The following STXBP5L variants were observed in gnomAD, a reference collection of about 807,000 sequenced individuals.
The protein encoded by STXBP5L is syntaxin binding protein 5L.
In STXBP5L, 65 loss-of-function variants were observed where a neutral mutation model predicts 144.5. The observed-to-expected ratio is 0.45, with a 90% CI of 0.37 to 0.55. The LOEUF (loss-of-function observed/expected upper bound fraction) is 0.55, where lower values mean the gene tolerates loss of function less well. Among genes scored for constraint, STXBP5L ranks in the 20% least tolerant of loss-of-function variants. The pLI is 0.00. For missense variants in STXBP5L, 1,298 were observed against 1,405.5 expected, an observed-to-expected ratio of 0.92 and a Z score of 1.22; for synonymous variants, 505 against 469.6, an observed-to-expected ratio of 1.08 and a Z score of -0.97.
At chr3:121,176,985 C>A (rs1165023969) in intron 9 of STXBP5L, among the ~76,000 whole-genome samples, 1 of 151,784 alleles carries the variant, frequency 6.6e-6, no homozygotes, top group Non-Finnish European at 1.5e-5. Flanking sequence ...TTTGAAAGAC[C>A]TACTTTGTGT....
chr3:121,218,097 A>G (rs2048847358), intron 10 of STXBP5L, among the ~76,000 whole-genome samples: 1 of 141,892 alleles, frequency 7.0e-6, no homozygotes, highest in East Asian at 2.0e-4. Flanking sequence ...TATATAGTAT[A>G]ATATATAATA....
At chr3:121,059,112 C>G in intron 5 of STXBP5L, among the ~76,000 whole-genome samples, 1 of 152,210 alleles carries the variant, frequency 6.6e-6, no homozygotes, top group African/African-American at 2.4e-5. Context: ...TTAGGTCTTA[C>G]GTTTAAGTCT....
intron 20 of STXBP5L, among the ~76,000 whole-genome samples, chr3:121,327,389 A>G (rs567741573): frequency 6.6e-6 from 1 of 152,282 alleles, no homozygotes; most frequent in African/African-American, 2.4e-5. Context: ...CTAGGAGTAG[A>G]GATAAATACT....
At chr3:121,090,459 T>C (rs1207224725) in intron 5 of STXBP5L, among the ~76,000 whole-genome samples, 4 of 152,184 alleles carry the variant, frequency 2.6e-5, no homozygotes, top group Non-Finnish European at 4.4e-5. Flanking sequence ...GAAATTGAAA[T>C]ATTTTATCCA....
At chr3:121,162,786 G>A (rs1302720367) in intron 9 of STXBP5L, among the ~76,000 whole-genome samples, 1 of 152,160 alleles carries the variant, frequency 6.6e-6, no homozygotes, top group Non-Finnish European at 1.5e-5. Flanking sequence ...CTTCTCAAAA[G>A]AAGACATTCA....
intron 2 of STXBP5L, among the ~76,000 whole-genome samples, chr3:120,931,754 C>CCACAGTCTGCA (rs1465424461): frequency 6.6e-6 from 1 of 152,168 alleles, no homozygotes; most frequent in Non-Finnish European, 1.5e-5. Context: ...CCTGCAGCAA[C>CCACAGTCTGCA]CAGTCTGGGA....
chr3:120,991,772 G>C (rs941426692), intron 3 of STXBP5L, among the ~76,000 whole-genome samples: 1 of 151,580 alleles, frequency 6.6e-6, no homozygotes, highest in South Asian at 2.1e-4. Context: ...GAGAACACAT[G>C]GACACAGGGT....
chr3:121,140,566 A>T (rs986607403), intron 7 of STXBP5L, among the ~76,000 whole-genome samples: 5 of 152,192 alleles, frequency 3.3e-5, no homozygotes, highest in Non-Finnish European at 5.9e-5. Flanking sequence ...ATATAAAATG[A>T]TGAAATCTTC....
chr3:120,992,514 T>C lies in STXBP5L; in HGVS notation c.287+37477T>C, dbSNP rs185040172. The stretch of plus-strand genomic sequence containing the variant: ...TACACTCTACCTTCATGAGATCAAT[T>C]TTTTTTATCTACTACATATGAGTGA... On this transcript the variant is annotated intron_variant, in intron 3 of 26. Transcript: ENST00000471454. Among the ~76,000 whole-genome samples, 51 of 152,160 alleles carry C rather than the reference T, an allele frequency of 3.4e-4. No individual in the cohort carries two copies. The East Asian group carries it at 9.9e-3, about 29-fold the overall frequency.
intron 20 of STXBP5L, among the ~76,000 whole-genome samples, chr3:121,356,421 C>T (rs2045516367): frequency 6.6e-6 from 1 of 152,242 alleles, no homozygotes; most frequent in Non-Finnish European, 1.5e-5. Context: ...CCAAGCCAGG[C>T]TGCCACCTCA....
chr3:121,367,306 C>G (rs936244407), intron 20 of STXBP5L, among the ~76,000 whole-genome samples: 4 of 152,090 alleles, frequency 2.6e-5, no homozygotes, highest in African/African-American at 9.7e-5. Context: ...TTGCACATTT[C>G]TTACAGGGCG....
At chr3:121,324,501 A>G (rs1218954928) in intron 20 of STXBP5L, 3 of 695,870 alleles carry the variant, frequency 4.3e-6, no homozygotes, top group South Asian at 1.5e-5. Flanking sequence ...AGGACTTGCT[A>G]CCAGAACCCC....
chr3:121,311,649 C>T (rs2043533310), intron 19 of STXBP5L, among the ~76,000 whole-genome samples: 1 of 151,872 alleles, frequency 6.6e-6, no homozygotes, highest in South Asian at 2.1e-4. Flanking sequence ...CGTGAAGGAC[C>T]TCTTCAAGGA....
At chr3:121,357,044 G>A (rs756656667) in intron 20 of STXBP5L, 39 of 199,716 alleles carry the variant, frequency 2.0e-4, no homozygotes, top group Admixed American at 1.1e-3. Context: ...CCTGGAACAG[G>A]GATCATACCC....
intron 9 of STXBP5L, among the ~76,000 whole-genome samples, chr3:121,167,529 G>T (rs571648037): frequency 3.5e-4 from 54 of 152,122 alleles, no homozygotes; most frequent in Non-Finnish European, 6.6e-4. Flanking sequence ...TGAGTAGGCT[G>T]TTTTCCCCTC....
At chr3:121,211,216 G>A (rs901263118) in intron 10 of STXBP5L, among the ~76,000 whole-genome samples, 2 of 152,096 alleles carry the variant, frequency 1.3e-5, no homozygotes, top group Admixed American at 6.5e-5. Context: ...GTTTACTCAC[G>A]ATTTGGCTCT....
At chr3:121,106,355 C>T (rs1007453025) in intron 5 of STXBP5L, among the ~76,000 whole-genome samples, 4 of 152,114 alleles carry the variant, frequency 2.6e-5, no homozygotes, top group Admixed American at 6.6e-5. Context: ...CCCATCACAT[C>T]GGTATTGAGC....
chr3:121,033,292 A>G (rs1254355324), intron 3 of STXBP5L, among the ~76,000 whole-genome samples: 3 of 123,100 alleles, frequency 2.4e-5, no homozygotes, highest in East Asian at 2.4e-4. Flanking sequence ...GAAATTGGAA[A>G]CCATCATTCT....
intron 10 of STXBP5L, among the ~76,000 whole-genome samples, chr3:121,209,302 C>T (rs1046367992): frequency 3.3e-5 from 5 of 152,066 alleles, no homozygotes; most frequent in Non-Finnish European, 5.9e-5. Context: ...TGGGATTGCT[C>T]GGTCAAATGG....
Sources: allele counts gnomAD v4.1 joint callset (sites outside exome capture counted in the v4.1 genomes callset), GRCh38; gene constraint gnomAD v4.1.1; transcripts MANE v1.5; gene names NCBI Gene and HGNC (gene_info 2026-07-23, HGNC 2026-07-21).